Variants in PRELID2 observed in about 807,000 individuals in gnomAD.
The protein encoded by PRELID2 is PRELI domain containing 2.
A neutral mutation model predicts 28.4 loss-of-function variants in PRELID2; 25 were observed. The observed-to-expected ratio is 0.88, with a 90% CI of 0.64 to 1.23. The LOEUF (loss-of-function observed/expected upper bound fraction) is 1.23, where lower values mean the gene tolerates loss of function less well. Ranked by LOEUF, PRELID2 falls within the 50% of genes most tolerant of loss-of-function variation. The pLI, the probability that PRELID2 is intolerant of heterozygous loss-of-function variation, is 0.00. For synonymous variants in PRELID2, 76 were observed against 71.6 expected (o/e 1.06, Z -0.31); for missense variants, 201 against 214.4 (o/e 0.94, Z 0.39).
intron 5 of PRELID2, among the ~76,000 whole-genome samples, chr5:145,769,111 A>C (rs983201470): frequency 6.6e-6 from 1 of 152,174 alleles, no homozygotes; most frequent in African/African-American, 2.4e-5. Flanking sequence ...TTATCACACA[A>C]TGATGCCTGA....
At chr5:145,667,890 A>G (rs1754626746) in intron 1 of PRELID2, among the ~76,000 whole-genome samples, 1 of 152,142 alleles carries the variant, frequency 6.6e-6, no homozygotes, top group Non-Finnish European at 1.5e-5. Context: ...ATGTGGCTAT[A>G]GCAGAATATT....
the PRELID2 span, among the ~76,000 whole-genome samples, chr5:145,411,075 T>A: frequency 6.6e-6 from 1 of 152,106 alleles, no homozygotes; most frequent in Non-Finnish European, 1.5e-5. Flanking sequence ...TCAGTCATTG[T>A]ATTAGTCTGT....
chr5:145,414,561 T>A, the PRELID2 span, among the ~76,000 whole-genome samples: 1 of 152,218 alleles, frequency 6.6e-6, no homozygotes, highest in Non-Finnish European at 1.5e-5. Context: ...TGTCTTCTTA[T>A]TTCCAATATG....
the PRELID2 span, among the ~76,000 whole-genome samples, chr5:145,408,625 C>A: frequency 6.6e-6 from 1 of 151,260 alleles, no homozygotes; most frequent in Non-Finnish European, 1.5e-5. Flanking sequence ...AGATTCAGAG[C>A]TTGAAGAAAA....
At chr5:145,244,909 A>G in the PRELID2 span, among the ~76,000 whole-genome samples, 1 of 152,230 alleles carries the variant, frequency 6.6e-6, no homozygotes, top group East Asian at 1.9e-4. Flanking sequence ...GATTTACTCC[A>G]CATAAAAGAA....
At position 145,559,063 on chromosome 5, in the gene PRELID2, G is replaced by C. The variant is rs1277350863; in HGVS notation, n.71-85748C>G. ...AGGTCAGGAGATCGAGACCATCCTGGCTAACATGGTGAAACCCCGTCTCTA... is the reference window on the plus strand; with the variant it reads ...AGGTCAGGAGATCGAGACCATCCTGCCTAACATGGTGAAACCCCGTCTCTA... On this transcript the variant is annotated intron_variant and non_coding_transcript_variant, in intron 1 of 2. Transcript: ENST00000510259. Among the ~76,000 whole-genome samples, 3 of 152,096 alleles carry C rather than the reference G, an allele frequency of 2.0e-5. No homozygotes were observed. The East Asian group carries it at 5.8e-4, about 29-fold the overall frequency.
chr5:145,408,406 T>C, the PRELID2 span, among the ~76,000 whole-genome samples: 6 of 120,950 alleles, frequency 5.0e-5, no homozygotes, highest in Non-Finnish European at 1.2e-4. Context: ...TATATATATA[T>C]ATATATATAT....
the PRELID2 span, among the ~76,000 whole-genome samples, chr5:145,257,667 A>G: frequency 3.3e-5 from 5 of 152,234 alleles, no homozygotes; most frequent in Admixed American, 3.3e-4. Context: ...AATATTAAGC[A>G]TAAGAAAACT....
At chr5:145,739,177 T>C (rs905865265) in intron 1 of PRELID2, among the ~76,000 whole-genome samples, 1 of 152,156 alleles carries the variant, frequency 6.6e-6, no homozygotes, top group African/African-American at 2.4e-5. Flanking sequence ...ATGGCTGAAG[T>C]ATATTCTCTA....
intron 1 of PRELID2, among the ~76,000 whole-genome samples, chr5:145,666,592 TG>T (rs1561537828): frequency 6.6e-6 from 1 of 152,124 alleles, no homozygotes. Context: ...TAGTACCCTG[TG>T]GCACAGCGCT....
At chr5:145,798,636 A>G (rs1418344420) in intron 4 of PRELID2, among the ~76,000 whole-genome samples, 3 of 152,236 alleles carry the variant, frequency 2.0e-5, no homozygotes, top group Non-Finnish European at 4.4e-5. Context: ...ATGTCCATCA[A>G]TGATAGACTG....
chr5:145,363,956 G>A, the PRELID2 span, among the ~76,000 whole-genome samples: 3 of 151,854 alleles, frequency 2.0e-5, no homozygotes, highest in African/African-American at 4.8e-5. Context: ...AATCTTCTTT[G>A]GCTGATTGTA....
the PRELID2 span, among the ~76,000 whole-genome samples, chr5:145,325,403 A>G: frequency 6.6e-6 from 1 of 152,344 alleles, no homozygotes; most frequent in South Asian, 2.1e-4. Flanking sequence ...CCTGAGCCAA[A>G]TATCCAGATA....
chr5:145,560,359 C>T (rs1394303149), intron 1 of PRELID2, among the ~76,000 whole-genome samples: 3 of 152,206 alleles, frequency 2.0e-5, no homozygotes, highest in African/African-American at 7.2e-5. Context: ...ATCCTCAGAA[C>T]CTATCACTTA....
chr5:145,293,929 T>C, the PRELID2 span, among the ~76,000 whole-genome samples: 24 of 152,280 alleles, frequency 1.6e-4, no homozygotes, highest in East Asian at 4.6e-3. Context: ...TGAGTCAGTA[T>C]AAAGATTGGC....
chr5:145,233,352 C>T, the PRELID2 span, among the ~76,000 whole-genome samples: 1 of 152,052 alleles, frequency 6.6e-6, no homozygotes, highest in African/African-American at 2.4e-5. Context: ...AGGAATTCTG[C>T]TTGTCTCTCA....
the PRELID2 span, among the ~76,000 whole-genome samples, chr5:145,290,439 C>T: frequency 3.3e-5 from 5 of 152,022 alleles, no homozygotes; most frequent in Admixed American, 2.0e-4. Context: ...GATGAGTTCA[C>T]GTCCTTTGTA....
intron 1 of PRELID2, among the ~76,000 whole-genome samples, chr5:145,678,639 T>C (rs1754870031): frequency 6.6e-6 from 1 of 152,120 alleles, no homozygotes; most frequent in Non-Finnish European, 1.5e-5. Context: ...ATAAATAAAA[T>C]AAATGTACTA....
chr5:145,262,420 T>C, the PRELID2 span, among the ~76,000 whole-genome samples: 2 of 151,994 alleles, frequency 1.3e-5, no homozygotes, highest in Non-Finnish European at 2.9e-5. Flanking sequence ...AAAAAAAATA[T>C]TTAAGAGCTG....
Sources: allele counts gnomAD v4.1 joint callset (sites outside exome capture counted in the v4.1 genomes callset), GRCh38; gene constraint gnomAD v4.1.1; transcripts MANE v1.5; gene names NCBI Gene and HGNC (gene_info 2026-07-23, HGNC 2026-07-21).